The following ATF2 variants were observed in gnomAD, a reference collection of about 807,000 sequenced individuals.
ATF2 encodes the protein cyclic AMP-dependent transcription factor ATF-2.
A neutral mutation model predicts 60.6 loss-of-function variants in ATF2; 24 were observed. That is an observed-to-expected ratio of 0.40 (90% CI 0.29 to 0.56). The LOEUF is 0.56. ATF2 is among the 20% of genes least tolerant of loss of function. The pLI, the probability that ATF2 is intolerant of heterozygous loss-of-function variation, is 0.54. For missense variants in ATF2, 433 were observed against 607.7 expected, an observed-to-expected ratio of 0.71 and a Z score of 3.02; for synonymous variants, 206 against 215.4, an observed-to-expected ratio of 0.96 and a Z score of 0.38.
chr2:175,138,951 G>A (rs1011901210), intron 2 of ATF2, among the ~76,000 whole-genome samples: 11 of 152,182 alleles, frequency 7.2e-5, no homozygotes, highest in Middle Eastern at 3.2e-3. Flanking sequence ...TTTGTCACTC[G>A]TAAGTTATAC....
chr2:175,084,255 G>A (rs967841562), intron 12 of ATF2, among the ~76,000 whole-genome samples: 11 of 151,870 alleles, frequency 7.2e-5, no homozygotes, highest in Non-Finnish European at 1.0e-4. Context: ...AATGTCCAAC[G>A]ATGATAGACT....
At chr2:175,161,646 C>T (rs1258626294) in intron 1 of ATF2, among the ~76,000 whole-genome samples, 2 of 152,200 alleles carry the variant, frequency 1.3e-5, no homozygotes, top group African/African-American at 4.8e-5. Context: ...CTCATATACA[C>T]TTTCTTTATT....
chr2:175,094,816 T>C (rs1462977933), intron 11 of ATF2, among the ~76,000 whole-genome samples: 2 of 152,084 alleles, frequency 1.3e-5, no homozygotes, highest in South Asian at 4.1e-4. Flanking sequence ...TGGCATGTGC[T>C]TGTGGTCCTA....
At chr2:175,087,652 C>T (rs564663623) in intron 12 of ATF2, among the ~76,000 whole-genome samples, 39 of 152,212 alleles carry the variant, frequency 2.6e-4, no homozygotes, top group Middle Eastern at 6.8e-3. Context: ...TCTTATTTTG[C>T]GGAATTTCTC....
chr2:175,133,211 ATTAAGCTAGAGGAC>A (rs1697870948), intron 3 of ATF2, among the ~76,000 whole-genome samples: 2 of 152,328 alleles, frequency 1.3e-5, no homozygotes, highest in South Asian at 2.1e-4. Context: ...AAGAATTGTA[ATTAAGCTAGAGGAC>A]TTTTATTACC....
At chr2:175,108,059 G>A (rs1187324648) in intron 10 of ATF2, among the ~76,000 whole-genome samples, 13 of 151,210 alleles carry the variant, frequency 8.6e-5, no homozygotes, top group East Asian at 2.0e-4. Flanking sequence ...CCCTCTGCCC[G>A]GCTGCCCAGT....
At chr2:175,130,046 G>T in intron 4 of ATF2, 92 bp downstream of exon 4, 2 of 1,004,642 alleles carry the variant, frequency 2.0e-6, no homozygotes, top group Non-Finnish European at 2.8e-6. Context: ...ACAGAATACT[G>T]TAAGAAAATA....
At chr2:175,103,532 G>A (rs1016236517) in intron 10 of ATF2, among the ~76,000 whole-genome samples, 2 of 152,020 alleles carry the variant, frequency 1.3e-5, no homozygotes, top group Non-Finnish European at 2.9e-5. Flanking sequence ...TGAACATGAG[G>A]TTCCATGCAG....
chr2:175,167,040 C>T (rs1700394880), intron 1 of ATF2, among the ~76,000 whole-genome samples: 1 of 152,022 alleles, frequency 6.6e-6, no homozygotes, highest in Non-Finnish European at 1.5e-5. Context: ...TTTCTGATGC[C>T]TAAGGTCCAT....
chr2:175,125,203 A>G (rs1045914983), intron 4 of ATF2, among the ~76,000 whole-genome samples: 9 of 152,182 alleles, frequency 5.9e-5, no homozygotes, highest in African/African-American at 2.2e-4. Context: ...TGTGTGAAAA[A>G]GCAATCTTGT....
In ATF2 at chr2:175,114,778, C is replaced by A. The variant is rs2105691962; in HGVS notation, c.538G>T (p.Asp180Tyr). ...QVPNVLLTSS[D>Y]SSVIIQQAVP... ...GCCTGCTGAATAATTACACTTGAGT[C>A]AGAACTTGTAAGCAGCACATTGGGA... Residue 180 changes from aspartate to tyrosine, a missense_variant, in exon 8 of 14, where the codon GAC becomes TAC. Asp to Tyr is a radical substitution (Grantham distance 160). Coordinates refer to ENST00000264110, the MANE Select transcript of ATF2 (RefSeq NM_001880.4). 1.2e-6 allele frequency: 2 copies of A among 1,613,972 alleles called. No individual in the cohort carries two copies. The highest frequency in any genetic ancestry group is 2.2e-5 in the South Asian group (2 of 91,064).
chr2:175,129,610 A>G (rs1697588977), intron 4 of ATF2, among the ~76,000 whole-genome samples: 1 of 152,038 alleles, frequency 6.6e-6, no homozygotes, highest in Non-Finnish European at 1.5e-5. Context: ...TAAGATAAGT[A>G]TAATAGGAAT....
chr2:175,158,733 G>T (rs1359120602), intron 1 of ATF2, among the ~76,000 whole-genome samples: 1 of 151,988 alleles, frequency 6.6e-6, no homozygotes, highest in East Asian at 1.9e-4. Context: ...GATTGTAGGT[G>T]TGAGCCACTG....
intron 4 of ATF2, among the ~76,000 whole-genome samples, chr2:175,124,362 C>T (rs62184475): frequency 0.038 from 5,784 of 151,582 alleles, 129 homozygotes; most frequent in Admixed American, 0.094. Context: ...AAAGGGTAAC[C>T]TGTCAGATGG....
intron 13 of ATF2, among the ~76,000 whole-genome samples, chr2:175,079,982 A>T (rs1462939659): frequency 6.6e-6 from 1 of 152,158 alleles, no homozygotes; most frequent in Non-Finnish European, 1.5e-5. Flanking sequence ...TGGTTCCAAC[A>T]CTGTGCATCT....
At chr2:175,134,769 A>G (rs1698015597) in intron 3 of ATF2, among the ~76,000 whole-genome samples, 1 of 151,984 alleles carries the variant, frequency 6.6e-6, no homozygotes, top group Admixed American at 6.6e-5. Flanking sequence ...GGATGGCTTG[A>G]GCCCAGGAGT....
chr2:175,149,435 G>A (rs1353170378), intron 2 of ATF2, among the ~76,000 whole-genome samples: 2 of 152,170 alleles, frequency 1.3e-5, no homozygotes, highest in African/African-American at 2.4e-5. Context: ...TTTTAAGTAC[G>A]TGAACTAAAT....
intron 2 of ATF2, among the ~76,000 whole-genome samples, chr2:175,139,259 A>G (rs1171373732): frequency 6.6e-6 from 1 of 152,248 alleles, no homozygotes; most frequent in Non-Finnish European, 1.5e-5. Flanking sequence ...TCAGTTGGAT[A>G]CATTTTAAAA....
At chr2:175,081,393 G>A (rs1215680235) in intron 12 of ATF2, among the ~76,000 whole-genome samples, 1 of 152,172 alleles carries the variant, frequency 6.6e-6, no homozygotes, top group African/African-American at 2.4e-5. Flanking sequence ...AGTCAATGGA[G>A]ATTTGTCCTA....
Sources: gnomAD v4.1 joint callset for allele counts (sites outside exome capture counted in the v4.1 genomes callset) on GRCh38, gnomAD v4.1.1 for gene constraint, MANE v1.5 for transcripts, NCBI Gene and HGNC (gene_info 2026-07-23, HGNC 2026-07-21) for gene names.